Variants in ACSF3 observed in about 807,000 individuals in gnomAD.
The protein encoded by ACSF3 is acyl-CoA synthetase family member 3.
Under a neutral mutation model 53.2 loss-of-function variants are expected in ACSF3, and 78 were observed. The observed-to-expected ratio is 1.47, with a 90% CI of 1.22 to 1.77. The LOEUF (loss-of-function observed/expected upper bound fraction) is 1.77, where lower values mean the gene tolerates loss of function less well. Ranked by LOEUF, ACSF3 falls within the 40% of genes most tolerant of loss-of-function variation. The probability of loss-of-function intolerance (pLI) is 0.00; values close to 1 mark genes in which losing one functional copy is unlikely to be tolerated. For missense variants in ACSF3, 937 were observed against 771.1 expected, an observed-to-expected ratio of 1.22 and a Z score of -2.55; for synonymous variants, 414 against 333.1, an observed-to-expected ratio of 1.24 and a Z score of -2.65.
Position 89,133,359 on chromosome 16 carries a change from A to G in ACSF3, c.1366+97A>G. 7.1e-6 allele frequency: 11 copies of G among 1,544,012 alleles called. 1 individual carries two copies. The South Asian group carries it at 1.3e-4, about 18-fold the overall frequency. ...AGTGACACCGAGGCTGGGAGTTCCC[A>G]GAATTTTCAGCCAAAGGCAGAAGAT... On this transcript the variant is annotated intron_variant, in intron 8 of 10. Transcript: ENST00000614302.
chr16:89,111,108 A>G (rs1437659102), intron 4 of ACSF3, among the ~76,000 whole-genome samples: 1 of 152,160 alleles, frequency 6.6e-6, no homozygotes, highest in Non-Finnish European at 1.5e-5. Context: ...GAAATTCCTT[A>G]ATCTGCTTAT....
chr16:89,139,923 C>T (rs942807901), intron 8 of ACSF3, among the ~76,000 whole-genome samples: 8 of 152,156 alleles, frequency 5.3e-5, no homozygotes, highest in African/African-American at 1.7e-4. Context: ...TACAGGGTGT[C>T]CTCTGTCCCC....
chr16:89,100,866 A>G lies in ACSF3; in HGVS notation c.185A>G (p.Gln62Arg), dbSNP rs1161685392. The part of the protein sequence containing the change: ...AFGDRIALVD[Q>R]HGRHTYRELY... ...GGGGACAGAATCGCCCTGGTTGACC[A>G]GCACGGCCGCCACACGTACAGGGAG... The change falls in exon 3 of 11, where the codon CAG becomes CGG. Residue 62 changes from glutamine to arginine, a missense_variant. Physicochemically the swap from Gln to Arg is conservative, Grantham distance 43. Coordinates refer to ENST00000614302, the MANE Select transcript of ACSF3 (RefSeq NM_001243279.3). The G allele has an allele frequency of 1.9e-6, 3 of 1,613,516 alleles. No homozygotes were observed. Among genetic ancestry groups the G allele is most frequent in the Non-Finnish European group, 2.5e-6 (3 of 1,180,026 alleles).
At chr16:89,099,262 G>A (rs767656178) in intron 2 of ACSF3, among the ~76,000 whole-genome samples, 11 of 152,252 alleles carry the variant, frequency 7.2e-5, no homozygotes, top group East Asian at 1.9e-4. Context: ...CAGCCCTCAC[G>A]CGTCAGGAGC....
intron 10 of ACSF3, among the ~76,000 whole-genome samples, chr16:89,147,229 GT>G (rs1567749566): frequency 2.0e-5 from 2 of 99,316 alleles, no homozygotes; most frequent in Non-Finnish European, 4.1e-5. Flanking sequence ...GGTCCACAGA[GT>G]GAGTGAGGGA....
At chr16:89,099,261 C>A (rs950052736) in intron 2 of ACSF3, among the ~76,000 whole-genome samples, 1 of 152,264 alleles carries the variant, frequency 6.6e-6, no homozygotes. Flanking sequence ...CCAGCCCTCA[C>A]GCGTCAGGAG....
intron 4 of ACSF3, among the ~76,000 whole-genome samples, chr16:89,103,768 G>T (rs914231820): frequency 2.6e-5 from 4 of 152,204 alleles, no homozygotes; most frequent in Non-Finnish European, 5.9e-5. Flanking sequence ...TGGAGTCTCT[G>T]TCTCCCCTCT....
chr16:89,099,771 G>C (rs1160861432), intron 2 of ACSF3, among the ~76,000 whole-genome samples: 2 of 151,476 alleles, frequency 1.3e-5, no homozygotes, highest in East Asian at 1.9e-4. Flanking sequence ...GACAGACCAA[G>C]ACTGCATCTT....
At chr16:89,127,982 A>G (rs573987756) in intron 7 of ACSF3, among the ~76,000 whole-genome samples, 2 of 152,138 alleles carry the variant, frequency 1.3e-5, no homozygotes, top group African/African-American at 4.8e-5. Context: ...TATCCTTGCT[A>G]GAAGTTTATC....
chr16:89,125,698 A>AGAGAGAGAG lies in ACSF3; in HGVS notation c.1239+4785_1239+4786insGAGAGAGAG, dbSNP rs1555570978. Among the ~76,000 whole-genome samples the AGAGAGAGAG allele has an allele frequency of 2.0e-4, 30 of 147,972 alleles. No homozygotes were observed. The East Asian group carries it at 3.4e-3, about 17-fold the overall frequency. The stretch of plus-strand genomic sequence containing the variant: ...AGAGTGAGACTGCCTCAAAAAAAAA[A>AGAGAGAGAG]AGAGAGAGAGAGAGAGAGAGATGTT... On this transcript the variant is annotated intron_variant, in intron 7 of 10. Coordinates refer to ENST00000614302, the MANE Select transcript of ACSF3 (RefSeq NM_001243279.3).
chr16:89,133,977 C>G (rs996170985), intron 8 of ACSF3, among the ~76,000 whole-genome samples: 1 of 152,214 alleles, frequency 6.6e-6, no homozygotes, highest in Admixed American at 6.5e-5. Flanking sequence ...TGCCTGACCC[C>G]CCTCCTTTGT....
intron 6 of ACSF3, among the ~76,000 whole-genome samples, chr16:89,116,250 C>A (rs1004696827): frequency 2.6e-5 from 4 of 152,244 alleles, no homozygotes; most frequent in African/African-American, 9.6e-5. Context: ...TCCGTCGACT[C>A]CTGAGGGGTC....
chr16:89,122,368 C>T (rs1567714065), intron 7 of ACSF3: 2 of 442,478 alleles, frequency 4.5e-6, no homozygotes, highest in Non-Finnish European at 9.1e-6. Context: ...CCCCTGCCCT[C>T]TGTAGGGCCC....
At chr16:89,147,893 C>T (rs1313470605) in intron 10 of ACSF3, 1 of 152,188 alleles carries the variant, frequency 6.6e-6, no homozygotes, top group Non-Finnish European at 1.5e-5. Context: ...TCCAAAGTCT[C>T]GTCTGAGACA....
rs72817452 is a variant in ACSF3, at chr16:89,112,040, C to T, written c.823-52C>T. 0.037 allele frequency: 59,839 copies of T among 1,601,628 alleles called. 1,664 individuals are homozygous for T. Among genetic ancestry groups the T allele is most frequent in the East Asian group, 0.12 (5,479 of 44,658 alleles). ...TGCCTGGAGCCAGGAGCCTCCGCCA[C>T]GGGCCCCAGTGCCTGCTCATCTTCC... On this transcript the variant is annotated intron_variant, in intron 4 of 10. Transcript: ENST00000614302.
intron 1 of ACSF3, among the ~76,000 whole-genome samples, chr16:89,097,020 A>G (rs1245024158): frequency 6.6e-6 from 1 of 152,220 alleles, no homozygotes; most frequent in Non-Finnish European, 1.5e-5. Flanking sequence ...CGTCAGCATC[A>G]CCAGCTCTGC....
chr16:89,111,532 A>G (rs1198645229), intron 4 of ACSF3, among the ~76,000 whole-genome samples: 4 of 152,258 alleles, frequency 2.6e-5, no homozygotes, highest in African/African-American at 9.6e-5. Flanking sequence ...AGAGAGGGCC[A>G]TGGAAGGAAT....
chr16:89,131,100 C>T (rs1177425942), intron 7 of ACSF3, among the ~76,000 whole-genome samples: 2 of 146,158 alleles, frequency 1.4e-5, no homozygotes, highest in Admixed American at 1.3e-4. Flanking sequence ...AAGTGTTTGC[C>T]CTTTCTTTCT....
chr16:89,145,766 C>T (rs549939973), intron 9 of ACSF3, among the ~76,000 whole-genome samples, 172 bp from the exon 10 acceptor site: 62 of 152,304 alleles, frequency 4.1e-4, no homozygotes, highest in African/African-American at 1.3e-3. Context: ...GTCCTCACTC[C>T]CCTCCCCACA....
Sources: gnomAD v4.1 joint callset for allele counts (sites outside exome capture counted in the v4.1 genomes callset) on GRCh38, gnomAD v4.1.1 for gene constraint, MANE v1.5 for transcripts, NCBI Gene and HGNC (gene_info 2026-07-23, HGNC 2026-07-21) for gene names.